APOL3: variants seen among roughly 807,000 people sequenced by gnomAD.
APOL3 encodes apolipoprotein L3, also known as TNF-inducible protein CG12-1.
APOL3 carries 14 observed loss-of-function variants against 11.6 expected under a neutral mutation model. That is an observed-to-expected ratio of 1.21 (90% confidence interval 0.80 to 1.89). The LOEUF (loss-of-function observed/expected upper bound fraction) is 1.89, where lower values mean the gene tolerates loss of function less well. Among genes scored for constraint, APOL3 ranks in the 40% most tolerant of loss-of-function variants. APOL3 has a pLI of 0.00. For missense variants in APOL3, 483 were observed against 492.1 expected, an observed-to-expected ratio of 0.98 and a Z score of 0.17; for synonymous variants, 192 against 190.6, an observed-to-expected ratio of 1.01 and a Z score of -0.06.
chr22:36,151,945 A>G (rs1440045257), intron 1 of APOL3, among the ~76,000 whole-genome samples: 1 of 152,142 alleles, frequency 6.6e-6, no homozygotes, highest in Non-Finnish European at 1.5e-5. Context: ...AAAGAAAGTT[A>G]CTTGAGAATG....
chr22:36,142,649 G>A (rs997971295), intron 2 of APOL3, among the ~76,000 whole-genome samples: 1 of 152,150 alleles, frequency 6.6e-6, no homozygotes, highest in African/African-American at 2.4e-5. Context: ...CCTTCCAAAG[G>A]AACTGGGAAC....
chr22:36,148,965 G>A (rs1431787234), intron 1 of APOL3, 81 bp downstream of exon 2: 2 of 1,295,532 alleles, frequency 1.5e-6, no homozygotes, highest in Non-Finnish European at 2.1e-6. Context: ...TTCCTCTGGG[G>A]CTCACTGAGT....
Position 36,141,638 on chromosome 22 carries a change from TG to T in APOL3, c.770del (p.Ala257GlufsTer7). On this transcript the variant is annotated frameshift_variant, in exon 3 of 3. Coordinates refer to ENST00000349314, the Ensembl canonical transcript of APOL3. LOFTEE classifies it low-confidence loss of function (END_TRUNC). ...ATACCTTCAATCGGTCAATGCTGGT[TG>T]CAGTCAGCCTGCTGGCTTCAGCTTC... The T allele has an allele frequency of 1.9e-6, 3 of 1,614,200 alleles. No individual in the cohort carries two copies. Among genetic ancestry groups the T allele is most frequent in the Non-Finnish European group, 2.5e-6 (3 of 1,180,044 alleles).
rs2013195846 is a variant in APOL3, at chr22:36,158,103, G to A, written c.223+2566C>T. 3.3e-5 allele frequency among the ~76,000 whole-genome samples: 5 copies of A among 152,242 alleles called. No individual in the cohort carries two copies. In the South Asian group the frequency reaches 1.0e-3, roughly 32 times the overall value. On this transcript the variant is annotated intron_variant, in intron 1 of 2. Transcript: ENST00000349314. Reference sequence around the variant, plus strand: ...TAAAAATGGGTAAAAGATAGGATCTGAAGAAATAGAAATTAACGTTAACCA... The same window carrying A: ...TAAAAATGGGTAAAAGATAGGATCTAAAGAAATAGAAATTAACGTTAACCA...
At chr22:36,150,500 G>A (rs1281798984) in intron 1 of APOL3, among the ~76,000 whole-genome samples, 1 of 152,180 alleles carries the variant, frequency 6.6e-6, no homozygotes, top group Non-Finnish European at 1.5e-5. Context: ...AATCTACTAA[G>A]GTGTAAAGAC....
chr22:36,150,879 G>A (rs1218908658), intron 1 of APOL3, among the ~76,000 whole-genome samples: 1 of 152,178 alleles, frequency 6.6e-6, no homozygotes, highest in Non-Finnish European at 1.5e-5. Context: ...CTGGGACTCT[G>A]TCTCAAAAAA....
upstream of APOL3, among the ~76,000 whole-genome samples, chr22:36,163,739 C>T (rs939491326): frequency 6.6e-6 from 1 of 152,192 alleles, no homozygotes; most frequent in African/African-American, 2.4e-5. Context: ...ATTGGGATGT[C>T]GAGACTACCT....
At chr22:36,152,596 C>T (rs528142883) in intron 1 of APOL3, among the ~76,000 whole-genome samples, 26 of 152,204 alleles carry the variant, frequency 1.7e-4, no homozygotes, top group African/African-American at 5.5e-4. Context: ...AATAAACTCA[C>T]GTTTAGTTCT....
chr22:36,160,869 C>T, exon 1 of APOL3: 1 of 1,613,378 alleles, frequency 6.2e-7, no homozygotes, highest in East Asian at 2.2e-5. Flanking sequence ...TGCTTCCCAG[C>T]CCCACCCTTG....
intron 1 of APOL3, among the ~76,000 whole-genome samples, chr22:36,152,834 C>T (rs2012002053): frequency 6.6e-6 from 1 of 152,152 alleles, no homozygotes; most frequent in Non-Finnish European, 1.5e-5. Context: ...GCTGGCTAGG[C>T]ACACTGGTTC....
intron 1 of APOL3, chr22:36,149,521 A>G (rs1351872401): frequency 3.3e-6 from 2 of 609,074 alleles, no homozygotes; most frequent in Non-Finnish European, 5.3e-6. Context: ...CTAATTGATA[A>G]TAGCCAGTGT....
At chr22:36,164,316 G>A (rs759307892), upstream of APOL3, among the ~76,000 whole-genome samples, 2 of 152,058 alleles carry the variant, frequency 1.3e-5, no homozygotes, top group Non-Finnish European at 2.9e-5. Context: ...TCTGTTAACC[G>A]ACCAGAATAA....
intron 1 of APOL3, chr22:36,153,238 AT>A: frequency 3.1e-6 from 1 of 327,204 alleles, no homozygotes; most frequent in Non-Finnish European, 6.2e-6. Flanking sequence ...ATTTTTTTAA[AT>A]TTTAACAAAA....
chr22:36,144,734 G>A (rs1463908966), intron 2 of APOL3, among the ~76,000 whole-genome samples: 1 of 152,174 alleles, frequency 6.6e-6, no homozygotes, highest in Non-Finnish European at 1.5e-5. Flanking sequence ...ACTTGGTCGG[G>A]CGCAGCGGCT....
intron 1 of APOL3, among the ~76,000 whole-genome samples, chr22:36,153,742 T>C (rs1025776431): frequency 1.3e-5 from 2 of 152,234 alleles, no homozygotes; most frequent in African/African-American, 4.8e-5. Flanking sequence ...TTAGAAAGTT[T>C]ATTTTGCCAA....
intron 1 of APOL3, 25 bp from the exon 3 acceptor site, chr22:36,145,624 A>G: frequency 6.2e-7 from 1 of 1,611,790 alleles, no homozygotes. Flanking sequence ...AAAGCATAAG[A>G]TTGGAAGAAA....
chr22:36,148,948 A>C, intron 1 of APOL3, 98 bp downstream of exon 2: 2 of 1,207,166 alleles, frequency 1.7e-6, no homozygotes, highest in Non-Finnish European at 2.3e-6. Context: ...CTGCTTGACC[A>C]TCCGGGTTCC....
chr22:36,145,518 T>G, exon 2 of APOL3: 2 of 1,614,204 alleles, frequency 1.2e-6, no homozygotes, highest in Non-Finnish European at 1.7e-6. Flanking sequence ...GGCTTCATTG[T>G]TAGTCAGCAG....
chr22:36,158,966 C>CGTGTGTGT (rs35041494), intron 1 of APOL3, among the ~76,000 whole-genome samples: 8 of 150,046 alleles, frequency 5.3e-5, no homozygotes, highest in African/African-American at 2.0e-4. Flanking sequence ...TGTGAGTGTG[C>CGTGTGTGT]GTGTGTGTGT....
Sources: gnomAD v4.1 joint callset for allele counts (sites outside exome capture counted in the v4.1 genomes callset) on GRCh38, gnomAD v4.1.1 for gene constraint, MANE v1.5 for transcripts, NCBI Gene and HGNC (gene_info 2026-07-23, HGNC 2026-07-21) for gene names.